The following MYO5A variants were observed in gnomAD, a reference collection of about 807,000 sequenced individuals.
MYO5A encodes the protein myosin VA.
In MYO5A, 98 loss-of-function variants were observed where a neutral mutation model predicts 249.7. The observed-to-expected ratio is 0.39, with a 90% confidence interval of 0.33 to 0.46. The LOEUF is 0.46. Ranked by LOEUF, MYO5A falls within the 20% of genes least tolerant of loss-of-function variation. The pLI, the probability that MYO5A is intolerant of heterozygous loss-of-function variation, is 0.98. For missense variants in MYO5A, 1,696 were observed against 2,308.8 expected, an observed-to-expected ratio of 0.73 and a Z score of 5.44; for synonymous variants, 778 against 810.6, an observed-to-expected ratio of 0.96 and a Z score of 0.68.
rs1724586 is a variant in MYO5A at position 52,451,979 on chromosome 15, T to A, written c.28-18694A>T. Reference sequence around the variant, plus strand: ...TAATAGATGCCCAGTAATTACTTACTGAATAAATGTATATTTCATTAAATC... The same window carrying A: ...TAATAGATGCCCAGTAATTACTTACAGAATAAATGTATATTTCATTAAATC... On this transcript the variant is annotated intron_variant, in intron 1 of 41. Coordinates refer to ENST00000399233, the MANE Select transcript of MYO5A (RefSeq NM_001382347.1). Among the ~76,000 whole-genome samples the A allele has an allele frequency of 3.9e-5, 6 of 152,122 alleles. 1 individual carries two copies. The South Asian group carries it at 1.2e-3, about 31-fold the overall frequency.
intron 1 of MYO5A, among the ~76,000 whole-genome samples, chr15:52,435,013 G>A (rs1475993858): frequency 4.6e-5 from 7 of 152,168 alleles, no homozygotes; most frequent in Non-Finnish European, 1.0e-4. Context: ...TTAAATATGG[G>A]GCAACTTCCC....
chr15:52,457,027 C>G (rs1397370147), intron 1 of MYO5A, among the ~76,000 whole-genome samples: 2 of 152,174 alleles, frequency 1.3e-5, no homozygotes, highest in Non-Finnish European at 2.9e-5. Flanking sequence ...AGATAACCCA[C>G]AGAACTGGAG....
At chr15:52,480,306 A>C (rs976438879) in intron 1 of MYO5A, among the ~76,000 whole-genome samples, 1 of 152,336 alleles carries the variant, frequency 6.6e-6, no homozygotes, top group African/African-American at 2.4e-5. Flanking sequence ...AATTTGATCT[A>C]TTTACAGTCA....
At chr15:52,313,891 T>C in intron 41 of MYO5A, 43 bp from the exon 42 acceptor site, 1 of 1,608,572 alleles carries the variant, frequency 6.2e-7, no homozygotes, top group Non-Finnish European at 8.5e-7. Flanking sequence ...ATCAGTTCTT[T>C]GAATCTAAAA....
intron 25 of MYO5A, among the ~76,000 whole-genome samples, chr15:52,355,598 G>T (rs1399906315): frequency 1.3e-5 from 2 of 152,054 alleles, no homozygotes; most frequent in African/African-American, 2.4e-5. Context: ...CATTTATATT[G>T]TCTTGGGTAT....
chr15:52,314,214 T>G lies in MYO5A; in HGVS notation c.5410-11A>C, dbSNP rs1441454155. 1 of 1,594,096 alleles carries G rather than the reference T, an allele frequency of 6.3e-7. No homozygotes were observed. The highest frequency in any genetic ancestry group is 2.2e-5 in the East Asian group (1 of 44,774). ...CAACACTTTCACAATCTGTGAGAAATGAAATGATCAAAGTTTTTGGCATAT... is the reference window on the plus strand; with the variant it reads ...CAACACTTTCACAATCTGTGAGAAAGGAAATGATCAAAGTTTTTGGCATAT... On this transcript the variant is annotated splice_polypyrimidine_tract_variant and intron_variant, in intron 40 of 41. Coordinates refer to ENST00000399233, the MANE Select transcript of MYO5A (RefSeq NM_001382347.1).
Position 52,353,663 on chromosome 15 carries a change from G to A in MYO5A, c.3568-5C>T, listed in dbSNP as rs759101786. The A allele has an allele frequency of 1.6e-5, 25 of 1,612,538 alleles. No homozygotes were observed. In the East Asian group the frequency reaches 5.1e-4, roughly 33 times the overall value. On this transcript the variant is annotated splice_region_variant and splice_polypyrimidine_tract_variant and intron_variant, in intron 26 of 41. Coordinates refer to ENST00000399233, the MANE Select transcript of MYO5A (RefSeq NM_001382347.1). ...AATTTGTGGTCTTTCTTCTTCCTAG[G>A]GAAAAGTTAAAGTTTTATATTTTAA...
intron 24 of MYO5A, 42 bp downstream of exon 24, chr15:52,364,512 T>A (rs2040712416): frequency 1.3e-6 from 2 of 1,575,568 alleles, no homozygotes; most frequent in Admixed American, 3.4e-5. Context: ...TGTATATGTT[T>A]AAAATTTTTC....
chr15:52,461,704 T>G (rs909577332), intron 1 of MYO5A, among the ~76,000 whole-genome samples: 4 of 152,186 alleles, frequency 2.6e-5, no homozygotes, highest in African/African-American at 7.2e-5. Context: ...CATTCACGCC[T>G]GTAATCCCAG....
At chr15:52,364,471 T>A (rs1251401521) in intron 24 of MYO5A, 83 bp downstream of exon 24, 2 of 1,319,982 alleles carry the variant, frequency 1.5e-6, no homozygotes, top group African/African-American at 3.0e-5. Context: ...ACAGAAGATA[T>A]GGAGGTTCAT....
intron 1 of MYO5A, among the ~76,000 whole-genome samples, chr15:52,518,658 C>G (rs542219621): frequency 1.3e-5 from 2 of 152,130 alleles, no homozygotes; most frequent in Non-Finnish European, 2.9e-5. Context: ...AAGGTGAGAT[C>G]ATATCTTTAA....
intron 1 of MYO5A, among the ~76,000 whole-genome samples, chr15:52,473,734 C>T (rs905696002): frequency 1.3e-5 from 2 of 152,160 alleles, no homozygotes; most frequent in Non-Finnish European, 2.9e-5. Flanking sequence ...GGGCTCTATT[C>T]TGTTCCATTG....
At chr15:52,513,708 G>A (rs936534607) in intron 1 of MYO5A, among the ~76,000 whole-genome samples, 3 of 152,062 alleles carry the variant, frequency 2.0e-5, no homozygotes, top group Non-Finnish European at 4.4e-5. Flanking sequence ...AGGGATTATA[G>A]GCATGAGCCA....
rs112320022 is a variant in MYO5A, at chr15:52,443,645, T to C, written c.28-10360A>G. 8.4e-4 allele frequency among the ~76,000 whole-genome samples: 127 copies of C among 150,612 alleles called. 1 individual carries two copies. The highest frequency in any genetic ancestry group is 2.8e-3 in the African/African-American group (115 of 40,896). On this transcript the variant is annotated intron_variant, in intron 1 of 41. Transcript: ENST00000399233. ...ACTGTTTGAACCAGGGAAGCAGAGG[T>C]TGCAGTGAGCTGAGACTGGGCCACT...
In MYO5A at chr15:52,519,690, A is replaced by G. The variant is rs959304133; in HGVS notation, c.27+9090T>C. ...GACTGAATAAATTTTCAAAATTTCAATTTCTAACATGCTATTAGTAACATT... is the reference window on the plus strand; with the variant it reads ...GACTGAATAAATTTTCAAAATTTCAGTTTCTAACATGCTATTAGTAACATT... On this transcript the variant is annotated intron_variant, in intron 1 of 41. Coordinates refer to ENST00000399233, the MANE Select transcript of MYO5A (RefSeq NM_001382347.1). 3.9e-5 allele frequency among the ~76,000 whole-genome samples: 6 copies of G among 151,926 alleles called. No homozygotes were observed. The East Asian group carries it at 5.8e-4, about 15-fold the overall frequency.
chr15:52,353,834 C>T (rs556127899), intron 26 of MYO5A, 37 bp downstream of exon 26: 4 of 1,611,518 alleles, frequency 2.5e-6, no homozygotes, highest in Non-Finnish European at 2.5e-6. Flanking sequence ...GGACATAAAG[C>T]CCAGCTTCAG....
intron 22 of MYO5A, among the ~76,000 whole-genome samples, chr15:52,368,569 G>A (rs2040931254): frequency 6.6e-6 from 1 of 152,186 alleles, no homozygotes; most frequent in Non-Finnish European, 1.5e-5. Context: ...GACTGTCACA[G>A]TGAAATGTTT....
rs151273590 is a variant in MYO5A, at chr15:52,392,207, A to G, written c.1402-137T>C. ...CTCACGGGAGAAGCATGATTTACAC[A>G]CAGAGAAAGCAAATAAAACAACAGG... is the stretch of plus-strand genomic sequence containing the variant. On this transcript the variant is annotated intron_variant, in intron 11 of 41. Coordinates refer to ENST00000399233, the MANE Select transcript of MYO5A (RefSeq NM_001382347.1). The G allele has an allele frequency of 6.0e-4, 494 of 828,030 alleles. 1 individual carries two copies. In the African/African-American group the frequency reaches 8.1e-3, roughly 14 times the overall value. The allele number at this position is 828,030 out of a possible 1,614,324, so 51.3% of individuals were successfully genotyped here.
intron 5 of MYO5A, among the ~76,000 whole-genome samples, chr15:52,412,138 C>G (rs1420122977): frequency 6.6e-6 from 1 of 152,182 alleles, no homozygotes; most frequent in African/African-American, 2.4e-5. Context: ...GAAGTAGCAG[C>G]AGCTACTCAA....
Sources: gnomAD v4.1 joint callset for allele counts (sites outside exome capture counted in the v4.1 genomes callset) on GRCh38, gnomAD v4.1.1 for gene constraint, MANE v1.5 for transcripts, NCBI Gene and HGNC (gene_info 2026-07-23, HGNC 2026-07-21) for gene names.